Variants in SLC14A2 observed in about 807,000 individuals in gnomAD.
SLC14A2 encodes urea transporter 2.
Under a neutral mutation model 104.6 loss-of-function variants are expected in SLC14A2, and 91 were observed. The observed-to-expected ratio is 0.87, with a 90% CI of 0.73 to 1.04. SLC14A2 has a LOEUF of 1.04. Among genes scored for constraint, SLC14A2 ranks in the 50% least tolerant of loss-of-function variants. The probability of loss-of-function intolerance (pLI) is 0.00; values close to 1 mark genes in which losing one functional copy is unlikely to be tolerated. For missense variants in SLC14A2, 1,189 were observed against 1,156.0 expected (o/e 1.03, Z -0.41); for synonymous variants, 476 against 466.4 (o/e 1.02, Z -0.27).
chr18:45,623,271 G>A (rs2045205092), intron 1 of SLC14A2, among the ~76,000 whole-genome samples: 1 of 152,180 alleles, frequency 6.6e-6, no homozygotes, highest in Non-Finnish European at 1.5e-5. Flanking sequence ...GCTGAAAAGG[G>A]GAGATGAAAA....
chr18:45,430,649 C>G (rs2086500492), intron 1 of SLC14A2, among the ~76,000 whole-genome samples: 3 of 152,016 alleles, frequency 2.0e-5, no homozygotes, highest in Admixed American at 6.6e-5. Context: ...GATCTCAGCT[C>G]AGTGCAAGCT....
At chr18:45,304,973 A>C (rs1263720698) in intron 1 of SLC14A2, among the ~76,000 whole-genome samples, 1 of 152,012 alleles carries the variant, frequency 6.6e-6, no homozygotes, top group Non-Finnish European at 1.5e-5. Flanking sequence ...TTGCCCTTGC[A>C]GGGCTTGTAA....
intron 1 of SLC14A2, among the ~76,000 whole-genome samples, chr18:45,378,529 A>G (rs1222167432): frequency 1.3e-5 from 2 of 152,224 alleles, no homozygotes; most frequent in Non-Finnish European, 2.9e-5. Context: ...TTGGGGTTGG[A>G]CATCAGTTGT....
the SLC14A2 span, chr18:45,181,248 G>A: frequency 6.6e-6 from 1 of 152,266 alleles, no homozygotes; most frequent in Non-Finnish European, 1.5e-5. Flanking sequence ...GACTCTCTTC[G>A]TCTTGCTTTC....
intron 1 of SLC14A2, among the ~76,000 whole-genome samples, chr18:45,298,807 G>T (rs1159811837): frequency 1.4e-4 from 21 of 152,198 alleles, no homozygotes; most frequent in Admixed American, 1.4e-3. Context: ...AATGGGAGGA[G>T]TGGGGGACCT....
At chr18:45,524,780 C>T (rs1329175762) in intron 2 of SLC14A2, among the ~76,000 whole-genome samples, 2 of 152,132 alleles carry the variant, frequency 1.3e-5, no homozygotes, top group Non-Finnish European at 2.9e-5. Context: ...CTTATCTGGC[C>T]TCAGCTGCTC....
chr18:45,675,059 CCT>C (rs796570305), intron 18 of SLC14A2, among the ~76,000 whole-genome samples: 1 of 152,156 alleles, frequency 6.6e-6, no homozygotes, highest in Non-Finnish European at 1.5e-5. Flanking sequence ...CAGCATGGCA[CCT>C]CTCTCTATTC....
intron 1 of SLC14A2, among the ~76,000 whole-genome samples, chr18:45,402,285 A>G (rs2086104737): frequency 6.6e-6 from 1 of 152,062 alleles, no homozygotes; most frequent in African/African-American, 2.4e-5. Flanking sequence ...ATAAAAGATT[A>G]TTGTCTGCAT....
chr18:45,682,040 T>C (rs894425252), intron 19 of SLC14A2, among the ~76,000 whole-genome samples: 1 of 152,214 alleles, frequency 6.6e-6, no homozygotes, highest in African/African-American at 2.4e-5. Context: ...AAACACAGCC[T>C]CTACAAAAGG....
intron 1 of SLC14A2, among the ~76,000 whole-genome samples, chr18:45,374,424 C>T (rs1195213572): frequency 6.6e-6 from 1 of 152,226 alleles, no homozygotes; most frequent in African/African-American, 2.4e-5. Context: ...TATTTTCTGA[C>T]TCCTCTTGAG....
intron 2 of SLC14A2, among the ~76,000 whole-genome samples, chr18:45,491,758 T>C (rs1253192632): frequency 6.6e-6 from 1 of 152,146 alleles, no homozygotes; most frequent in Non-Finnish European, 1.5e-5. Context: ...TGGCTGTGGA[T>C]GTCTGCTCAT....
chr18:45,273,669 A>C (rs2084673600), intron 1 of SLC14A2, among the ~76,000 whole-genome samples: 1 of 152,174 alleles, frequency 6.6e-6, no homozygotes, highest in South Asian at 2.1e-4. Context: ...GAAGTCCAAT[A>C]GTCTTTTTAA....
intron 10 of SLC14A2, among the ~76,000 whole-genome samples, chr18:45,648,315 C>T (rs1025425742): frequency 2.0e-5 from 3 of 151,066 alleles, no homozygotes; most frequent in African/African-American, 7.3e-5. Context: ...ACGCCATTCT[C>T]CTGCCTCAGC....
intron 2 of SLC14A2, among the ~76,000 whole-genome samples, chr18:45,498,476 G>A (rs866066753): frequency 1.2e-4 from 18 of 152,202 alleles, no homozygotes; most frequent in Admixed American, 1.3e-4. Context: ...CTGGTTGAAT[G>A]GTGTCACTTG....
intron 2 of SLC14A2, among the ~76,000 whole-genome samples, chr18:45,498,916 A>G (rs1466834565): frequency 6.6e-6 from 1 of 152,190 alleles, no homozygotes; most frequent in African/African-American, 2.4e-5. Flanking sequence ...AGCTCCACAG[A>G]AACTTCTCTA....
chr18:45,600,528 T>C (rs941774416), intron 2 of SLC14A2, among the ~76,000 whole-genome samples: 1 of 152,182 alleles, frequency 6.6e-6, no homozygotes, highest in Non-Finnish European at 1.5e-5. Flanking sequence ...GATGCCAGGA[T>C]ACACTTGGCA....
rs2085457452 is a variant in SLC14A2, at chr18:45,347,134, T to C, written c.-125+133943T>C. Among the ~76,000 whole-genome samples, 3 of 152,126 alleles carry C rather than the reference T, an allele frequency of 2.0e-5. No individual in the cohort carries two copies. The South Asian group carries it at 6.2e-4, about 31-fold the overall frequency. On this transcript the variant is annotated intron_variant, in intron 1 of 20. Coordinates refer to the SLC14A2 transcript ENST00000586448. The stretch of plus-strand genomic sequence containing the variant: ...ACTTTGACAGGTCAAGGCAGGCCGA[T>C]CACTTCAGCTCAGGAGTTCGAGACC...
intron 7 of SLC14A2, among the ~76,000 whole-genome samples, chr18:45,640,684 G>A (rs1443895073): frequency 6.6e-6 from 1 of 152,024 alleles, no homozygotes; most frequent in African/African-American, 2.4e-5. Flanking sequence ...TTTGGAAATA[G>A]TTTTAAACTC....
the SLC14A2 span, among the ~76,000 whole-genome samples, chr18:45,177,545 T>G: frequency 1.3e-5 from 2 of 152,142 alleles, no homozygotes; most frequent in South Asian, 4.1e-4. Context: ...ATGTCCTGTT[T>G]CCCGCATCTG....
Sources: gnomAD v4.1 joint callset for allele counts (sites outside exome capture counted in the v4.1 genomes callset) on GRCh38, gnomAD v4.1.1 for gene constraint, MANE v1.5 for transcripts, NCBI Gene and HGNC (gene_info 2026-07-23, HGNC 2026-07-21) for gene names.